TOGARAM2: variants seen among roughly 807,000 people sequenced by gnomAD.
The protein encoded by TOGARAM2 is TOG array regulator of axonemal microtubules 2.
In TOGARAM2, 85 loss-of-function variants were observed where a neutral mutation model predicts 93.3. The observed-to-expected ratio is 0.91, with a 90% CI of 0.76 to 1.09. The LOEUF is 1.09. Ranked by LOEUF, TOGARAM2 falls within the 50% of genes least tolerant of loss-of-function variation. TOGARAM2 has a pLI of 0.00. For synonymous variants in TOGARAM2, 593 were observed against 552.8 expected, an observed-to-expected ratio of 1.07 and a Z score of -1.02; for missense variants, 1,277 against 1,334.5, an observed-to-expected ratio of 0.96 and a Z score of 0.67.
intron 4 of TOGARAM2, among the ~76,000 whole-genome samples, chr2:29,000,342 G>A (rs529365198): frequency 6.6e-6 from 1 of 152,106 alleles, no homozygotes; most frequent in East Asian, 1.9e-4. Context: ...TCTTAGCCCC[G>A]ATACTCACTG....
At chr2:28,958,117 T>C (rs1316273399) in intron 1 of TOGARAM2, among the ~76,000 whole-genome samples, 1 of 152,286 alleles carries the variant, frequency 6.6e-6, no homozygotes, top group Admixed American at 6.5e-5. Context: ...GAAAGACAAA[T>C]AGGTCCGTTC....
chr2:28,975,612 T>C (rs1192222954), intron 1 of TOGARAM2, among the ~76,000 whole-genome samples: 1 of 152,230 alleles, frequency 6.6e-6, no homozygotes, highest in Non-Finnish European at 1.5e-5. Flanking sequence ...CTGTGTCATC[T>C]GGGCGCTGCA....
intron 6 of TOGARAM2, among the ~76,000 whole-genome samples, chr2:29,010,347 A>T (rs1328650641): frequency 1.3e-5 from 2 of 152,058 alleles, no homozygotes; most frequent in African/African-American, 2.4e-5. Flanking sequence ...TTCGCTTACT[A>T]TCTCCAGCCC....
Position 29,033,564 on chromosome 2 carries a change from G to T in TOGARAM2, c.2225+1G>T, listed in dbSNP as rs780515412. On this transcript the variant is annotated splice_donor_variant, in intron 16 of 19. Transcript: ENST00000379558. LOFTEE classifies it high-confidence loss of function. ...AGAACGGGCTGCCCATCAAGGAGGG[G>T]TATGGCTGCTCCTGTATCTCTGGGC... is the stretch of plus-strand genomic sequence containing the variant. 1.9e-6 allele frequency: 3 copies of T among 1,612,438 alleles called. No individual in the cohort carries two copies. The highest frequency in any genetic ancestry group is 2.2e-5 in the South Asian group (2 of 90,526).
At chr2:28,959,925 C>T (rs767169508) in intron 1 of TOGARAM2, among the ~76,000 whole-genome samples, 7 of 152,152 alleles carry the variant, frequency 4.6e-5, no homozygotes, top group Non-Finnish European at 8.8e-5. Context: ...CGGCACAGCC[C>T]GCTACACATG....
rs955750513 is a variant in TOGARAM2, at chr2:29,044,932, T to C, written c.2636-392T>C. The stretch of plus-strand genomic sequence containing the variant: ...TCCATCCATCCATCTCTATTATCTA[T>C]CTTCTATCTATCCATCCTCCAACAT... On this transcript the variant is annotated intron_variant, in intron 18 of 19. Transcript: ENST00000379558. 5.9e-5 allele frequency among the ~76,000 whole-genome samples: 9 copies of C among 152,054 alleles called. No individual in the cohort carries two copies. The East Asian group carries it at 1.7e-3, about 29-fold the overall frequency.
rs143663589 is a variant in TOGARAM2 at position 28,959,929 on chromosome 2, A to G, written c.-147+3232A>G. Among the ~76,000 whole-genome samples the G allele has an allele frequency of 2.6e-3, 392 of 152,304 alleles. 4 individuals carry two copies. The highest frequency in any genetic ancestry group is 9.1e-3 in the African/African-American group (377 of 41,572). ...ATAAACCTGGGCGGCACAGCCCGCTACACATGTGGGCTATCTTATGTAGCC... is the reference window on the plus strand; with the variant it reads ...ATAAACCTGGGCGGCACAGCCCGCTGCACATGTGGGCTATCTTATGTAGCC... On this transcript the variant is annotated intron_variant, in intron 1 of 6. Coordinates refer to the TOGARAM2 transcript ENST00000401723.
At position 29,002,762 on chromosome 2, in the gene TOGARAM2, C is replaced by T; in HGVS notation, c.639+15C>T. 6.2e-7 allele frequency: 1 copy of T among 1,609,410 alleles called. No individual in the cohort carries two copies. The highest frequency in any genetic ancestry group is 8.5e-7 in the Non-Finnish European group (1 of 1,177,532). On this transcript the variant is annotated intron_variant, in intron 5 of 19. Coordinates refer to ENST00000379558, the MANE Select transcript of TOGARAM2 (RefSeq NM_199280.4). ...GTGCTCAGGAGGTAAGGTGGTTCGACTGCTGTGAGTCTGGTCCTCAGCTTC... is the reference window on the plus strand; with the variant it reads ...GTGCTCAGGAGGTAAGGTGGTTCGATTGCTGTGAGTCTGGTCCTCAGCTTC...
chr2:29,048,215 C>T (rs1195490025), intron 19 of TOGARAM2: 4 of 152,000 alleles, frequency 2.6e-5, no homozygotes, highest in Non-Finnish European at 5.9e-5. Flanking sequence ...AGAAGTACAC[C>T]GGAAAGACCT....
rs1335783142 is a variant in TOGARAM2, at chr2:29,011,480, G to T, written c.856G>T (p.Glu286Ter). ...ATTGGCTCGGGGGAGTGGGCCTCGG[G>T]AGAAGACCCCTGCATCTCTGGGTAC... ...TRLARGSGPR[E>*]KTPASLEPKP... Residue 286 changes from glutamate to a stop codon, truncating the protein, a stop_gained, in exon 7 of 20, where the codon GAG becomes TAG. Coordinates refer to ENST00000379558, the MANE Select transcript of TOGARAM2 (RefSeq NM_199280.4). LOFTEE classifies it high-confidence loss of function. The T allele has an allele frequency of 6.2e-7, 1 of 1,607,116 alleles. No individual in the cohort carries two copies. The highest frequency in any genetic ancestry group is 8.5e-7 in the Non-Finnish European group (1 of 1,177,522).
chr2:29,002,239 C>A (rs983096877), intron 4 of TOGARAM2, among the ~76,000 whole-genome samples: 2 of 152,218 alleles, frequency 1.3e-5, no homozygotes, highest in Non-Finnish European at 1.5e-5. Context: ...CTTCTACCCA[C>A]GGCCAGGACC....
intron 6 of TOGARAM2, among the ~76,000 whole-genome samples, chr2:29,009,010 T>A (rs979256521): frequency 6.6e-6 from 1 of 152,254 alleles, no homozygotes; most frequent in African/African-American, 2.4e-5. Context: ...GTCCGTTTAC[T>A]CACCTAAAAG....
chr2:29,031,971 C>T (rs905173894), intron 14 of TOGARAM2, among the ~76,000 whole-genome samples: 2 of 152,206 alleles, frequency 1.3e-5, no homozygotes, highest in African/African-American at 4.8e-5. Context: ...TTCTCAGCAG[C>T]TCTTGGATCT....
chr2:29,027,372 A>G (rs1195708715), intron 14 of TOGARAM2, among the ~76,000 whole-genome samples: 5 of 152,236 alleles, frequency 3.3e-5, no homozygotes, highest in Non-Finnish European at 1.5e-5. Context: ...AGTGAATAAG[A>G]AAAATGAAGT....
chr2:28,959,814 T>C (rs1255295988), intron 1 of TOGARAM2, among the ~76,000 whole-genome samples: 2 of 152,238 alleles, frequency 1.3e-5, no homozygotes, highest in Non-Finnish European at 2.9e-5. Flanking sequence ...ACTGTTGATA[T>C]AGTCATATGA....
In TOGARAM2 at chr2:29,002,641, T is replaced by C; in HGVS notation, c.533T>C (p.Ile178Thr). 6.2e-7 allele frequency: 1 copy of C among 1,613,896 alleles called. No homozygotes were observed. The highest frequency in any genetic ancestry group is 8.5e-7 in the Non-Finnish European group (1 of 1,179,872). The change falls in exon 5 of 20, where the codon ATC becomes ACC. Residue 178 changes from isoleucine (I) to threonine (T), a missense_variant. Coordinates refer to ENST00000379558, the MANE Select transcript of TOGARAM2 (RefSeq NM_199280.4). ...LLRVPRPMPL[I>T]QSIPTTPEAS... ...AGGGTGCCCAGGCCGATGCCTCTCA[T>C]CCAGAGCATCCCTACCACCCCTGAG...
chr2:29,030,491 T>G (rs1665701795), intron 14 of TOGARAM2, among the ~76,000 whole-genome samples: 1 of 152,082 alleles, frequency 6.6e-6, no homozygotes, highest in African/African-American at 2.4e-5. Flanking sequence ...AGGTTTTGGT[T>G]TGCTTGTTGG....
intron 1 of TOGARAM2, among the ~76,000 whole-genome samples, chr2:28,967,989 T>C (rs1330933430): frequency 1.3e-5 from 2 of 151,922 alleles, no homozygotes; most frequent in Non-Finnish European, 2.9e-5. Flanking sequence ...TGGCTAATTT[T>C]TGTGTTTTTA....
In TOGARAM2 at chr2:29,023,199, C is replaced by A; in HGVS notation, c.1617+8C>A. 4 of 1,570,230 alleles carry A rather than the reference C, an allele frequency of 2.5e-6. No homozygotes were observed. The highest frequency in any genetic ancestry group is 2.3e-5 in the South Asian group (2 of 85,444). The stretch of plus-strand genomic sequence containing the variant: ...TTGGTGGTGACTGGGGAGGTGAGGC[C>A]CCCCAGCCTGTGTGCTGTGCATTTG... On this transcript the variant is annotated splice_region_variant and intron_variant, in intron 12 of 19. Coordinates refer to ENST00000379558, the MANE Select transcript of TOGARAM2 (RefSeq NM_199280.4).
Sources: allele counts gnomAD v4.1 joint callset (sites outside exome capture counted in the v4.1 genomes callset), GRCh38; gene constraint gnomAD v4.1.1; transcripts MANE v1.5; gene names NCBI Gene and HGNC (gene_info 2026-07-23, HGNC 2026-07-21).